Variants in TENM2 observed in about 807,000 individuals in gnomAD.
The protein encoded by TENM2 is teneurin transmembrane protein 2, also known as teneurin-2.
Under a neutral mutation model 245.2 loss-of-function variants are expected in TENM2, and 52 were observed. The ratio of observed to expected loss-of-function variants is 0.21; its 90% CI spans 0.17 to 0.27. The LOEUF is 0.27. TENM2 is among the 10% of genes least tolerant of loss of function. The pLI, the probability that TENM2 is intolerant of heterozygous loss-of-function variation, is 1.00. For missense variants in TENM2, 3,046 were observed against 3,666.8 expected (o/e 0.83, Z 4.37); for synonymous variants, 1,363 against 1,438.9 (o/e 0.95, Z 1.19).
chr5:167,628,207 C>T (rs17068863), intron 2 of TENM2, among the ~76,000 whole-genome samples: 4,454 of 152,242 alleles, frequency 0.029, 68 homozygotes, highest in Non-Finnish European at 0.034. Flanking sequence ...CCTCTTCTGT[C>T]GTCGTTGCTT....
At chr5:167,123,632 A>T in the TENM2 span, among the ~76,000 whole-genome samples, 1 of 152,206 alleles carries the variant, frequency 6.6e-6, no homozygotes, top group Non-Finnish European at 1.5e-5. Context: ...CCCACTCTAA[A>T]GGGATGCCTC....
the TENM2 span, among the ~76,000 whole-genome samples, chr5:167,216,633 A>G: frequency 1.3e-5 from 2 of 152,206 alleles, no homozygotes; most frequent in Non-Finnish European, 2.9e-5. Context: ...CCATCATTAA[A>G]AAATTACTGG....
At chr5:167,627,617 G>A (rs568980259) in intron 2 of TENM2, among the ~76,000 whole-genome samples, 3 of 151,370 alleles carry the variant, frequency 2.0e-5, no homozygotes, top group Non-Finnish European at 4.4e-5. Context: ...GAGTGCAGTG[G>A]TGCAATCTCG....
At chr5:167,126,688 C>A in the TENM2 span, among the ~76,000 whole-genome samples, 1 of 151,948 alleles carries the variant, frequency 6.6e-6, no homozygotes, top group Non-Finnish European at 1.5e-5. Context: ...GAATATTTTG[C>A]AATTTTTTTT....
At chr5:167,822,246 G>A (rs753527709) in intron 2 of TENM2, among the ~76,000 whole-genome samples, 1 of 152,144 alleles carries the variant, frequency 6.6e-6, no homozygotes, top group Non-Finnish European at 1.5e-5. Context: ...ATTATAGAGG[G>A]TTAGCTGAGG....
chr5:167,142,252 G>A, the TENM2 span, among the ~76,000 whole-genome samples: 1 of 152,056 alleles, frequency 6.6e-6, no homozygotes, highest in Non-Finnish European at 1.5e-5. Context: ...GAAAGACTCT[G>A]CCAACTTGCT....
At chr5:167,933,641 C>T (rs964313249) in intron 3 of TENM2, among the ~76,000 whole-genome samples, 1 of 151,564 alleles carries the variant, frequency 6.6e-6, no homozygotes, top group Non-Finnish European at 1.5e-5. Context: ...TCACGCATTT[C>T]GACTAATTCA....
intron 4 of TENM2, among the ~76,000 whole-genome samples, chr5:167,988,254 G>A (rs899301924): frequency 9.9e-5 from 15 of 152,050 alleles, no homozygotes; most frequent in African/African-American, 3.6e-4. Context: ...TCATTATTTT[G>A]GTCTTGGAAA....
At chr5:167,505,321 A>G (rs1194641311) in intron 2 of TENM2, among the ~76,000 whole-genome samples, 2 of 152,172 alleles carry the variant, frequency 1.3e-5, no homozygotes, top group African/African-American at 2.4e-5. Flanking sequence ...ACATGTTTAT[A>G]ATATTCATGG....
chr5:167,143,793 CT>C, the TENM2 span, among the ~76,000 whole-genome samples: 17 of 152,288 alleles, frequency 1.1e-4, no homozygotes, highest in African/African-American at 3.8e-4. Context: ...GACCACTGCG[CT>C]TTTAAAAGAA....
At chr5:167,675,216 A>G (rs1482100095) in intron 2 of TENM2, among the ~76,000 whole-genome samples, 1 of 152,148 alleles carries the variant, frequency 6.6e-6, no homozygotes, top group South Asian at 2.1e-4. Flanking sequence ...TTGAATTTGG[A>G]AGACAAAATG....
At chr5:167,862,254 T>TG (rs1771887766) in intron 2 of TENM2, among the ~76,000 whole-genome samples, 1 of 152,128 alleles carries the variant, frequency 6.6e-6, no homozygotes, top group Non-Finnish European at 1.5e-5. Flanking sequence ...TGTGTGTGTG[T>TG]GTGTGTGTGT....
At chr5:168,163,327 G>A (rs930971708) in intron 13 of TENM2, among the ~76,000 whole-genome samples, 1 of 152,170 alleles carries the variant, frequency 6.6e-6, no homozygotes, top group African/African-American at 2.4e-5. Flanking sequence ...ACCAAACCTG[G>A]CCTGTAAGCT....
intron 2 of TENM2, among the ~76,000 whole-genome samples, chr5:167,849,964 G>A (rs1770421318): frequency 2.0e-5 from 3 of 152,232 alleles, no homozygotes; most frequent in African/African-American, 7.2e-5. Context: ...GGAGGCCTCA[G>A]TGCAAAGGCA....
At chr5:167,913,389 A>C (rs147272422) in intron 3 of TENM2, among the ~76,000 whole-genome samples, 31 of 152,350 alleles carry the variant, frequency 2.0e-4, no homozygotes, top group African/African-American at 7.0e-4. Context: ...GAATAAGTTT[A>C]AGTGGTGTTA....
At chr5:167,458,414 G>A (rs759471018) in intron 2 of TENM2, among the ~76,000 whole-genome samples, 16 of 149,308 alleles carry the variant, frequency 1.1e-4, no homozygotes, top group Non-Finnish European at 1.9e-4. Flanking sequence ...TTGAACCCGG[G>A]AGGCACAGGT....
At chr5:167,196,456 A>ATATATATATGTGTG in the TENM2 span, among the ~76,000 whole-genome samples, 1 of 149,534 alleles carries the variant, frequency 6.7e-6, no homozygotes, top group African/African-American at 2.5e-5. Flanking sequence ...ATATGTGTGT[A>ATATATATATGTGTG]TATATATATG....
intron 2 of TENM2, among the ~76,000 whole-genome samples, chr5:167,735,177 G>A (rs1760713130): frequency 6.6e-6 from 1 of 152,184 alleles, no homozygotes; most frequent in East Asian, 1.9e-4. Flanking sequence ...CACATCCAGT[G>A]TCTGAAAATC....
the TENM2 span, among the ~76,000 whole-genome samples, chr5:167,112,522 C>T: frequency 7.9e-5 from 12 of 152,166 alleles, no homozygotes; most frequent in East Asian, 1.5e-3. Context: ...TGAAATCTGA[C>T]GATAACCTGT....
Sources: allele counts gnomAD v4.1 joint callset (sites outside exome capture counted in the v4.1 genomes callset), GRCh38; gene constraint gnomAD v4.1.1; transcripts MANE v1.5; gene names NCBI Gene and HGNC (gene_info 2026-07-23, HGNC 2026-07-21).